The following CDH23 variants were observed in gnomAD, a reference collection of about 807,000 sequenced individuals.
CDH23 encodes the protein cadherin-23.
Under a neutral mutation model 317.1 loss-of-function variants are expected in CDH23, and 189 were observed. The observed-to-expected ratio is 0.60, with a 90% CI of 0.53 to 0.67. The LOEUF is 0.67. CDH23 is among the 30% of genes least tolerant of loss of function. CDH23 has a pLI of 0.00. For synonymous variants in CDH23, 1,839 were observed against 1,876.8 expected, an observed-to-expected ratio of 0.98 and a Z score of 0.52; for missense variants, 4,401 against 4,592.4, an observed-to-expected ratio of 0.96 and a Z score of 1.20.
intron 17 of CDH23, among the ~76,000 whole-genome samples, chr10:71,682,145 G>A (rs962949091): frequency 6.6e-6 from 1 of 152,236 alleles, no homozygotes; most frequent in Non-Finnish European, 1.5e-5. Flanking sequence ...TCCCCACTCT[G>A]TTGAGAGCTG....
At chr10:71,426,506 G>A (rs897482684) in intron 1 of CDH23, among the ~76,000 whole-genome samples, 6 of 152,128 alleles carry the variant, frequency 3.9e-5, no homozygotes, top group South Asian at 2.1e-4. Flanking sequence ...GGTGAGGCAG[G>A]AGGGGGCTAG....
At chr10:71,737,769 G>A (rs2132839931) in intron 34 of CDH23, 1 of 470,182 alleles carries the variant, frequency 2.1e-6, no homozygotes, top group East Asian at 6.9e-5. Flanking sequence ...TCCGTGGACT[G>A]GAGGCCTCAC....
chr10:71,553,823 G>T (rs950705902), intron 6 of CDH23, among the ~76,000 whole-genome samples: 1 of 152,258 alleles, frequency 6.6e-6, no homozygotes, highest in Non-Finnish European at 1.5e-5. Context: ...AGAGCTCAGG[G>T]CAGTGTTAGA....
At chr10:71,711,359 G>A (rs958876926) in intron 27 of CDH23, among the ~76,000 whole-genome samples, 2 of 152,200 alleles carry the variant, frequency 1.3e-5, no homozygotes, top group African/African-American at 4.8e-5. Context: ...CGACAGCACT[G>A]CCACGTATGG....
chr10:71,745,035 C>T (rs931818978), intron 38 of CDH23, among the ~76,000 whole-genome samples: 5 of 152,256 alleles, frequency 3.3e-5, no homozygotes, highest in Admixed American at 2.0e-4. Context: ...CATAGAGAAA[C>T]TAGCACTAAA....
At chr10:71,480,418 C>T (rs1243607933) in intron 3 of CDH23, among the ~76,000 whole-genome samples, 2 of 152,248 alleles carry the variant, frequency 1.3e-5, no homozygotes, top group Non-Finnish European at 1.5e-5. Context: ...CGGACGGGGG[C>T]TAGACTAACA....
At chr10:71,769,861 A>T (rs1840647389) in intron 38 of CDH23, among the ~76,000 whole-genome samples, 1 of 152,236 alleles carries the variant, frequency 6.6e-6, no homozygotes, top group South Asian at 2.1e-4. Context: ...GCCAAAGTGA[A>T]TGGACCGAAT....
chr10:71,510,043 C>T, intron 3 of CDH23, 39 bp from the exon 4 acceptor site: 1 of 1,613,724 alleles, frequency 6.2e-7, no homozygotes, highest in Non-Finnish European at 8.5e-7. Flanking sequence ...AACGTGACCT[C>T]TCTTATTTTC....
intron 19 of CDH23, among the ~76,000 whole-genome samples, chr10:71,689,040 G>GCC (rs201955817): frequency 1.8e-3 from 197 of 111,012 alleles, no homozygotes; most frequent in African/African-American, 2.4e-3. Context: ...AGTCAGGGGT[G>GCC]GTGGAGCCAG....
intron 38 of CDH23, chr10:71,748,514 T>G (rs960311153): frequency 6.6e-6 from 1 of 152,288 alleles, no homozygotes; most frequent in African/African-American, 2.4e-5. Context: ...TGGGAGGGAA[T>G]AAAGGCAGGA....
chr10:71,802,533 G>C (rs550836134), intron 53 of CDH23, among the ~76,000 whole-genome samples: 1 of 152,296 alleles, frequency 6.6e-6, no homozygotes, highest in Non-Finnish European at 1.5e-5. Flanking sequence ...AAGGGATAGA[G>C]ATTAGAGCCA....
Position 71,791,168 on chromosome 10 carries a change from G to A in CDH23, c.6086G>A (p.Arg2029Gln), listed in dbSNP as rs542400234. Residue 2029 changes from arginine (R) to glutamine (Q), a missense_variant, in exon 47 of 70, where the codon CGG (arginine) becomes CAG (glutamine). Physicochemically the swap from Arg to Gln is conservative, Grantham distance 43. Coordinates refer to ENST00000224721, the MANE Select transcript of CDH23 (RefSeq NM_022124.6). Reference sequence around the variant, plus strand: ...GTGAGGTCAGGTGTCATCATTGACCGGGAGGCATTCTCGCCACCCATCCTG... The same window carrying A: ...GTGAGGTCAGGTGTCATCATTGACCAGGAGGCATTCTCGCCACCCATCCTG... The part of the protein sequence containing the change: ...VTVRSGVIID[R>Q]EAFSPPILEL... The A allele has an allele frequency of 5.6e-5, 90 of 1,612,386 alleles. 1 individual carries two copies. The highest frequency in any genetic ancestry group is 4.1e-4 in the South Asian group (37 of 90,586).
intron 14 of CDH23, 112 bp from the exon 15 acceptor site, chr10:71,675,000 C>T (rs1045085438): frequency 5.2e-6 from 5 of 962,758 alleles, no homozygotes; most frequent in Admixed American, 1.9e-5. Context: ...GTCTGGGCCT[C>T]AGAAAATTCA....
chr10:71,753,298 C>G (rs143683869), intron 38 of CDH23, among the ~76,000 whole-genome samples: 1 of 152,368 alleles, frequency 6.6e-6, no homozygotes, highest in Non-Finnish European at 1.5e-5. Context: ...AGGCAGCCAG[C>G]GCTTTCTCCT....
rs2132841605 is a variant in CDH23, at chr10:71,738,609, G to A, written c.4321G>A (p.Val1441Ile). ...CCCTGTGGGCCAGCGAGTGGCTACT[G>A]TCAAGGCCTGGGACCCTGATGCTGG... is the stretch of plus-strand genomic sequence containing the variant. Reference protein sequence around the residue: ...DCPVGQRVATVKAWDPDAGSN... With the variant: ...DCPVGQRVATIKAWDPDAGSN... Residue 1441 changes from valine to isoleucine, a missense_variant, in exon 35 of 70, where the codon GTC becomes ATC. By Grantham distance (29) the Val-to-Ile change is conservative. Transcript: ENST00000224721. 2 of 1,613,702 alleles carry A rather than the reference G, an allele frequency of 1.2e-6. No individual in the cohort carries two copies. Among genetic ancestry groups the A allele is most frequent in the South Asian group, 2.2e-5 (2 of 91,086 alleles).
intron 3 of CDH23, among the ~76,000 whole-genome samples, chr10:71,473,435 T>C (rs578172842): frequency 6.6e-6 from 1 of 152,298 alleles, no homozygotes; most frequent in South Asian, 2.1e-4. Flanking sequence ...TGATGTTACG[T>C]GCTGGTATAC....
At chr10:71,525,075 T>C (rs762248502) in intron 6 of CDH23, among the ~76,000 whole-genome samples, 2 of 150,594 alleles carry the variant, frequency 1.3e-5, no homozygotes, top group South Asian at 2.1e-4. Flanking sequence ...GCCCAGCTAA[T>C]TTTTGTATTT....
rs371899326 is a variant in CDH23 at position 71,648,917 on chromosome 10, A to G, written c.1449+2300A>G. Reference sequence around the variant, plus strand: ...TTCATCAGGTAACAGCTCTCACAGCAGGACCGTGTGCCTAAAGGAGTTCAG... The same window carrying G: ...TTCATCAGGTAACAGCTCTCACAGCGGGACCGTGTGCCTAAAGGAGTTCAG... On this transcript the variant is annotated intron_variant, in intron 14 of 69. Coordinates refer to ENST00000224721, the MANE Select transcript of CDH23 (RefSeq NM_022124.6). Among the ~76,000 whole-genome samples, 314 of 152,308 alleles carry G rather than the reference A, an allele frequency of 2.1e-3. 2 individuals are homozygous for G. The highest frequency in any genetic ancestry group is 7.2e-3 in the African/African-American group (300 of 41,574).
At chr10:71,580,137 C>A (rs1278204833) in intron 9 of CDH23, among the ~76,000 whole-genome samples, 1 of 152,214 alleles carries the variant, frequency 6.6e-6, no homozygotes, top group East Asian at 1.9e-4. Flanking sequence ...ACCCTTAGGT[C>A]CTCTCCAGTC....
Sources: gnomAD v4.1 joint callset for allele counts (sites outside exome capture counted in the v4.1 genomes callset) on GRCh38, gnomAD v4.1.1 for gene constraint, MANE v1.5 for transcripts, NCBI Gene and HGNC (gene_info 2026-07-23, HGNC 2026-07-21) for gene names.